Variants in SMIM23 observed in about 807,000 individuals in gnomAD.
SMIM23 encodes CTB-78H18.1.
A neutral mutation model predicts 12.8 loss-of-function variants in SMIM23; 10 were observed. That is an observed-to-expected ratio of 0.78 (90% CI 0.48 to 1.32). The LOEUF (loss-of-function observed/expected upper bound fraction) is 1.32. Ranked by LOEUF, SMIM23 falls within the 40% of genes most tolerant of loss-of-function variation. The pLI, the probability that SMIM23 is intolerant of heterozygous loss-of-function variation, is 0.00. For missense variants in SMIM23, 184 were observed against 198.2 expected (o/e 0.93, Z 0.43); for synonymous variants, 78 against 80.1 (o/e 0.97, Z 0.14).
chr5:171,776,450 C>T, the SMIM23 span, among the ~76,000 whole-genome samples: 1 of 152,180 alleles, frequency 6.6e-6, no homozygotes, highest in Non-Finnish European at 1.5e-5. Context: ...CCTGCATCTG[C>T]AGAAGCCATT....
rs1755907401 is a variant in SMIM23, at chr5:171,790,746, G to A, written c.226-49G>A. 3 of 1,529,226 alleles carry A rather than the reference G, an allele frequency of 2.0e-6. No homozygotes were observed. In the African/African-American group the frequency reaches 4.1e-5, roughly 21 times the overall value. The allele number at this position is 1,529,226 out of a possible 1,614,324, so 94.7% of individuals were successfully genotyped here. On this transcript the variant is annotated intron_variant, in intron 3 of 3. Coordinates refer to ENST00000523047, the MANE Select transcript of SMIM23 (RefSeq NM_001289970.2). ...TGAAACCAGTGGGGATGGGGAGGAG[G>A]GTCCTATCTGAGAAAGCACAGGATG...
rs568321105 is a variant in SMIM23 at position 171,789,955 on chromosome 5, A to G, written c.106-275A>G. Among the ~76,000 whole-genome samples the G allele has an allele frequency of 3.3e-5, 5 of 152,372 alleles. No individual in the cohort carries two copies. The East Asian group carries it at 9.6e-4, about 29-fold the overall frequency. On this transcript the variant is annotated intron_variant, in intron 1 of 3. Coordinates refer to ENST00000523047, the MANE Select transcript of SMIM23 (RefSeq NM_001289970.2). ...TTTATTATATGTAAATTATACCACAATGAAGTTGATTCCTTTTCAAGATCA... is the reference window on the plus strand; with the variant it reads ...TTTATTATATGTAAATTATACCACAGTGAAGTTGATTCCTTTTCAAGATCA...
chr5:171,780,462 C>T (rs1419716754), upstream of SMIM23, among the ~76,000 whole-genome samples: 1 of 152,222 alleles, frequency 6.6e-6, no homozygotes, highest in African/African-American at 2.4e-5. Context: ...ATCCTGGAAG[C>T]TCTGCCTTCC....
At chr5:171,781,728 G>A (rs1474972290), upstream of SMIM23, among the ~76,000 whole-genome samples, 1 of 152,150 alleles carries the variant, frequency 6.6e-6, no homozygotes, top group Admixed American at 6.5e-5. Context: ...AATGCCACAC[G>A]CACCAATCTG....
At chr5:171,777,323 C>A in the SMIM23 span, among the ~76,000 whole-genome samples, 76 of 152,342 alleles carry the variant, frequency 5.0e-4, 2 homozygotes, top group East Asian at 0.014. Context: ...AGAGCAGCAT[C>A]GCCAGAGCGG....
At chr5:171,785,045 G>A (rs542280527), upstream of SMIM23, among the ~76,000 whole-genome samples, 15 of 152,264 alleles carry the variant, frequency 9.9e-5, no homozygotes, top group African/African-American at 2.4e-4. Context: ...GGGTGGGGTC[G>A]GGAGGCAGCA....
At position 171,791,046 on chromosome 5, in the gene SMIM23, G is replaced by C. The variant is rs977475660; in HGVS notation, c.477G>C (p.Gly159=). The C allele has an allele frequency of 3.3e-5, 50 of 1,526,478 alleles. No individual in the cohort carries two copies. Among genetic ancestry groups the C allele is most frequent in the Non-Finnish European group, 4.1e-5 (47 of 1,142,226 alleles). The allele number at this position is 1,526,478 out of a possible 1,614,324, so 94.6% of individuals were successfully genotyped here. The stretch of plus-strand genomic sequence containing the variant: ...CCCTGGGGAGAGAGCACAAAGGTGG[G>C]GAGGGGTTGCTAGAGATTTCTCTAA... ...AWALGREHKG[G]EGLLEISLSG... The change falls in exon 4 of 4, where the codon GGG becomes GGC. Residue 159 remains glycine, a synonymous_variant. Transcript: ENST00000523047.
the SMIM23 span, among the ~76,000 whole-genome samples, chr5:171,776,819 A>G: frequency 6.6e-6 from 1 of 152,152 alleles, no homozygotes; most frequent in Non-Finnish European, 1.5e-5. Flanking sequence ...CCAAGACCCA[A>G]TTTAACACAC....
At chr5:171,777,360 G>A in the SMIM23 span, among the ~76,000 whole-genome samples, 5 of 152,314 alleles carry the variant, frequency 3.3e-5, no homozygotes, top group East Asian at 1.9e-4. Flanking sequence ...CCAGGCAGCC[G>A]AACGCCTCAT....
At chr5:171,789,251 A>G (rs1057179172) in intron 1 of SMIM23, among the ~76,000 whole-genome samples, 2 of 152,266 alleles carry the variant, frequency 1.3e-5, no homozygotes, top group African/African-American at 4.8e-5. Context: ...ATGAACAACT[A>G]GAGTTTACTG....
At chr5:171,785,231 A>G (rs1267956901), upstream of SMIM23, among the ~76,000 whole-genome samples, 1 of 152,178 alleles carries the variant, frequency 6.6e-6, no homozygotes, top group Non-Finnish European at 1.5e-5. Flanking sequence ...AGAGTGTATC[A>G]ATGTCCACAT....
intron 1 of SMIM23, among the ~76,000 whole-genome samples, chr5:171,786,626 A>G (rs1755821449): frequency 6.6e-6 from 1 of 152,234 alleles, no homozygotes; most frequent in African/African-American, 2.4e-5. Context: ...GGTTTTAAGC[A>G]GAGCAATGAA....
chr5:171,778,697 C>CA (rs1027005686), upstream of SMIM23, among the ~76,000 whole-genome samples: 1 of 152,112 alleles, frequency 6.6e-6, no homozygotes, highest in Non-Finnish European at 1.5e-5. Context: ...TCCAGAACTA[C>CA]AAAAAATTAA....
At position 171,790,235 on chromosome 5, in the gene SMIM23, G is replaced by A. The variant is rs1755896657; in HGVS notation, c.111G>A (p.Leu37=). 6.5e-7 allele frequency: 1 copy of A among 1,536,018 alleles called. No homozygotes were observed. The highest frequency in any genetic ancestry group is 8.7e-7 in the Non-Finnish European group (1 of 1,146,914). The change falls in exon 2 of 4, where the codon CTG becomes CTA. Residue 37 remains leucine (L), a synonymous_variant. Transcript: ENST00000523047. ...GSHCDDEKQT[L]LALLILVLYL... ...TTCCTCTTCTTGCACCCTAGACGCT[G>A]TTGGCATTGCTGATCTTGGTGCTGT...
chr5:171,778,626 G>A (rs1320459676), upstream of SMIM23, among the ~76,000 whole-genome samples: 3 of 152,314 alleles, frequency 2.0e-5, no homozygotes, highest in Middle Eastern at 3.4e-3. Flanking sequence ...CCCTGAGGGA[G>A]CACAGCCAGA....
At chr5:171,784,473 C>G (rs921161336), upstream of SMIM23, among the ~76,000 whole-genome samples, 5 of 151,948 alleles carry the variant, frequency 3.3e-5, no homozygotes, top group African/African-American at 9.7e-5. Flanking sequence ...CCACTGCACT[C>G]CAGCTTGGGC....
intron 1 of SMIM23, among the ~76,000 whole-genome samples, chr5:171,787,485 A>G (rs540711384): frequency 3.9e-5 from 6 of 152,358 alleles, no homozygotes; most frequent in Admixed American, 3.9e-4. Flanking sequence ...GGAAACCAGC[A>G]GCAAGAATGC....
At chr5:171,775,399 C>T in the SMIM23 span, among the ~76,000 whole-genome samples, 3,407 of 152,206 alleles carry the variant, frequency 0.022, 119 homozygotes, top group African/African-American at 0.077. Flanking sequence ...CCTTGCCCCT[C>T]TGAGGGTAAC....
At chr5:171,778,484 CACACACACAGAT>C (rs1177299421), upstream of SMIM23, among the ~76,000 whole-genome samples, 136 of 147,604 alleles carry the variant, frequency 9.2e-4, no homozygotes, top group Admixed American at 1.7e-3. Context: ...CACACACACA[CACACACACAGAT>C]AGAGACAGAG....
Sources: gnomAD v4.1 joint callset for allele counts (sites outside exome capture counted in the v4.1 genomes callset) on GRCh38, gnomAD v4.1.1 for gene constraint, MANE v1.5 for transcripts, NCBI Gene and HGNC (gene_info 2026-07-23, HGNC 2026-07-21) for gene names.